TRIM44: variants seen among roughly 807,000 people sequenced by gnomAD.
TRIM44 encodes the protein tripartite motif-containing protein 44.
A neutral mutation model predicts 37.4 loss-of-function variants in TRIM44; 13 were observed. That is an observed-to-expected ratio of 0.35 (90% CI 0.23 to 0.55). TRIM44 has a LOEUF of 0.55. Ranked by LOEUF, TRIM44 falls within the 20% of genes least tolerant of loss-of-function variation. The pLI, the probability that TRIM44 is intolerant of heterozygous loss-of-function variation, is 0.89. For synonymous variants in TRIM44, 175 were observed against 157.2 expected (o/e 1.11, Z -0.85); for missense variants, 426 against 437.2 (o/e 0.97, Z 0.23).
intron 1 of TRIM44, among the ~76,000 whole-genome samples, chr11:35,664,197 C>T (rs1851308207): frequency 6.6e-6 from 1 of 152,158 alleles, no homozygotes. Flanking sequence ...CACATGAATC[C>T]AAGCAAGTGA....
intron 4 of TRIM44, among the ~76,000 whole-genome samples, chr11:35,753,782 G>A (rs35274660): frequency 0.052 from 7,934 of 151,558 alleles, 293 homozygotes; most frequent in Non-Finnish European, 0.08. Context: ...AGGTTGCAGC[G>A]CAGTGGCGTA....
At chr11:35,665,210 G>C (rs1040693871) in intron 1 of TRIM44, among the ~76,000 whole-genome samples, 1 of 151,910 alleles carries the variant, frequency 6.6e-6, no homozygotes. Context: ...GTCATGTCTC[G>C]GTGTACATTT....
chr11:35,722,704 G>A (rs964126647), intron 2 of TRIM44, among the ~76,000 whole-genome samples: 2 of 152,132 alleles, frequency 1.3e-5, no homozygotes, highest in Admixed American at 6.5e-5. Flanking sequence ...TACTGCAAAC[G>A]TGCTTTATCA....
chr11:35,679,329 C>A (rs1226105668), intron 1 of TRIM44, among the ~76,000 whole-genome samples: 1 of 152,122 alleles, frequency 6.6e-6, no homozygotes, highest in Non-Finnish European at 1.5e-5. Flanking sequence ...TACCCTTTAC[C>A]CATTTTTAAG....
intron 4 of TRIM44, among the ~76,000 whole-genome samples, chr11:35,796,216 G>T (rs564118910): frequency 6.6e-6 from 1 of 151,790 alleles, no homozygotes; most frequent in South Asian, 2.1e-4. Context: ...ACTGTTTTCT[G>T]TGTGTGTGTG....
At chr11:35,685,889 C>G (rs1012323533) in intron 2 of TRIM44, among the ~76,000 whole-genome samples, 3 of 152,162 alleles carry the variant, frequency 2.0e-5, no homozygotes, top group African/African-American at 7.2e-5. Context: ...GTCTCGAACT[C>G]CTGACCTCGT....
chr11:35,814,283 G>C lies in TRIM44; in HGVS notation c.*7898G>C, dbSNP rs1050618812. The C allele has an allele frequency of 6.6e-6, 1 of 152,204 alleles. No individual in the cohort carries two copies. Among genetic ancestry groups the C allele is most frequent in the Non-Finnish European group, 1.5e-5 (1 of 68,042 alleles). The allele number at this position is 152,204 out of a possible 1,614,324, so 9.4% of individuals were successfully genotyped here. A position where few individuals can be genotyped will look rare whatever the true frequency, so the allele number is the denominator to read the frequency against. On this transcript the variant is annotated 3_prime_UTR_variant, in exon 5 of 5. Coordinates refer to ENST00000299413, the MANE Select transcript of TRIM44 (RefSeq NM_017583.6). ...TATAATACCAGCGTGACAGCTTGTG[G>C]TTGGTGGTTTCTAGAAGAAATAATT...
chr11:35,775,067 C>A (rs1160852875), intron 4 of TRIM44, among the ~76,000 whole-genome samples: 1 of 152,114 alleles, frequency 6.6e-6, no homozygotes, highest in Non-Finnish European at 1.5e-5. Context: ...GGCAGTATGG[C>A]CATTTTCATG....
At chr11:35,737,818 A>G (rs1160611580) in intron 4 of TRIM44, among the ~76,000 whole-genome samples, 1 of 152,190 alleles carries the variant, frequency 6.6e-6, no homozygotes, top group Non-Finnish European at 1.5e-5. Context: ...CCTGGGCAAC[A>G]AGAGCAAGAC....
intron 4 of TRIM44, among the ~76,000 whole-genome samples, chr11:35,771,648 G>A (rs984771048): frequency 2.0e-5 from 3 of 151,826 alleles, no homozygotes; most frequent in African/African-American, 7.3e-5. Flanking sequence ...TCGCTTGAAG[G>A]TGGGAGACAG....
At chr11:35,665,781 G>C (rs1026280875) in intron 1 of TRIM44, among the ~76,000 whole-genome samples, 1 of 151,128 alleles carries the variant, frequency 6.6e-6, no homozygotes, top group African/African-American at 2.4e-5. Context: ...TTTTTTTTTA[G>C]TAGAGATGTT....
chr11:35,662,837 G>A lies in TRIM44; in HGVS notation c.-275G>A, dbSNP rs1164167546. On this transcript the variant is annotated 5_prime_UTR_variant, in exon 1 of 5. Transcript: ENST00000299413. ...GAGCGGGCGGCGCGACGCGGGGGCC[G>A]ACGGGGGCGCCGGGTGGCCGCGCCG... is the stretch of plus-strand genomic sequence containing the variant. 1.5e-5 allele frequency: 5 copies of A among 334,572 alleles called. No homozygotes were observed. The East Asian group carries it at 2.9e-4, about 19-fold the overall frequency. The allele number at this position is 334,572 out of a possible 1,614,324, so 20.7% of individuals were successfully genotyped here. A position where few individuals can be genotyped will look rare whatever the true frequency, so the allele number is the denominator to read the frequency against.
chr11:35,752,004 C>T (rs1468886148), intron 4 of TRIM44, among the ~76,000 whole-genome samples: 1 of 152,144 alleles, frequency 6.6e-6, no homozygotes, highest in Non-Finnish European at 1.5e-5. Context: ...GTCCTACATC[C>T]CATGGCTTTG....
At chr11:35,715,392 TTCTC>T (rs1455494645) in intron 2 of TRIM44, among the ~76,000 whole-genome samples, 2 of 149,068 alleles carry the variant, frequency 1.3e-5, no homozygotes, top group East Asian at 2.0e-4. Context: ...GCCTATATTA[TTCTC>T]TCTGTGTATG....
chr11:35,745,774 C>T (rs1036134619), intron 4 of TRIM44, among the ~76,000 whole-genome samples: 2 of 152,084 alleles, frequency 1.3e-5, no homozygotes, highest in African/African-American at 4.8e-5. Flanking sequence ...CAGACTATGA[C>T]AATTTAGACA....
At chr11:35,745,208 G>A (rs1158075543) in intron 4 of TRIM44, among the ~76,000 whole-genome samples, 3 of 152,072 alleles carry the variant, frequency 2.0e-5, no homozygotes, top group African/African-American at 7.2e-5. Context: ...TCTGCACCTT[G>A]CCAGAATCTG....
intron 3 of TRIM44, 28 bp downstream of exon 3, chr11:35,726,191 A>G (rs757286373): frequency 1.9e-6 from 3 of 1,608,274 alleles, no homozygotes; most frequent in Admixed American, 1.7e-5. Context: ...AATTATTAGT[A>G]GCAAGAGAAA....
intron 4 of TRIM44, among the ~76,000 whole-genome samples, chr11:35,761,506 G>GT (rs1209962784): frequency 6.6e-6 from 1 of 152,058 alleles, no homozygotes; most frequent in Non-Finnish European, 1.5e-5. Context: ...GATCACAGCC[G>GT]TAACAGCTAA....
chr11:35,781,587 G>A (rs1347245762), intron 4 of TRIM44, among the ~76,000 whole-genome samples: 2 of 152,170 alleles, frequency 1.3e-5, no homozygotes, highest in Non-Finnish European at 1.5e-5. Flanking sequence ...TAGGCACCTC[G>A]GAAGCAAGCT....
Sources: allele counts gnomAD v4.1 joint callset (sites outside exome capture counted in the v4.1 genomes callset), GRCh38; gene constraint gnomAD v4.1.1; transcripts MANE v1.5; gene names NCBI Gene and HGNC (gene_info 2026-07-23, HGNC 2026-07-21).